The following PNPLA1 variants were observed in gnomAD, a reference collection of about 807,000 sequenced individuals.
PNPLA1 encodes patatin like domain 1, omega-hydroxyceramide transacylase, also known as omega-hydroxyceramide transacylase.
PNPLA1 carries 36 observed loss-of-function variants against 51.7 expected under a neutral mutation model. The observed-to-expected ratio is 0.70, with a 90% confidence interval of 0.53 to 0.92. The LOEUF (loss-of-function observed/expected upper bound fraction) is 0.92, where lower values mean the gene tolerates loss of function less well. Among genes scored for constraint, PNPLA1 ranks in the 40% least tolerant of loss-of-function variants. PNPLA1 has a pLI of 0.00. For synonymous variants in PNPLA1, 293 were observed against 280.1 expected (o/e 1.05, Z -0.46); for missense variants, 658 against 682.5 (o/e 0.96, Z 0.40).
chr6:36,306,097 C>T (rs1459448976), intron 6 of PNPLA1, among the ~76,000 whole-genome samples, 195 bp from the exon 7 acceptor site: 1 of 152,168 alleles, frequency 6.6e-6, no homozygotes, highest in Non-Finnish European at 1.5e-5. Flanking sequence ...CCGAGTCAGC[C>T]GCTCCACAGA....
intron 1 of PNPLA1, among the ~76,000 whole-genome samples, chr6:36,284,634 C>T (rs556328025): frequency 1.4e-3 from 220 of 152,096 alleles, no homozygotes; most frequent in Non-Finnish European, 2.1e-3. Flanking sequence ...TCATCTTTTT[C>T]CTGGGCAAGA....
intron 1 of PNPLA1, among the ~76,000 whole-genome samples, chr6:36,287,530 C>G (rs1770533098): frequency 6.6e-6 from 1 of 152,130 alleles, no homozygotes. Context: ...GGAAGGAGGC[C>G]TTTAAATGGG....
At chr6:36,280,511 C>T (rs1000690675) in intron 1 of PNPLA1, among the ~76,000 whole-genome samples, 6 of 152,146 alleles carry the variant, frequency 3.9e-5, no homozygotes, top group Non-Finnish European at 2.9e-5. Context: ...TTTTTTCACC[C>T]AGATCCCTGG....
At chr6:36,287,164 C>T (rs138269158) in intron 1 of PNPLA1, among the ~76,000 whole-genome samples, 10 of 152,304 alleles carry the variant, frequency 6.6e-5, no homozygotes, top group African/African-American at 2.2e-4. Flanking sequence ...GGGGCATCTC[C>T]ATTGCTCTCA....
chr6:36,297,835 C>G (rs544061931), intron 5 of PNPLA1, among the ~76,000 whole-genome samples: 1 of 150,848 alleles, frequency 6.6e-6, no homozygotes, highest in South Asian at 2.1e-4. Flanking sequence ...TCTTCCCTCT[C>G]ACAGTTTGGT....
At chr6:36,303,320 C>T (rs987203926) in intron 6 of PNPLA1, among the ~76,000 whole-genome samples, 1 of 152,184 alleles carries the variant, frequency 6.6e-6, no homozygotes, top group African/African-American at 2.4e-5. Flanking sequence ...GTCTCAATCT[C>T]CTGACTTTGT....
intron 5 of PNPLA1, among the ~76,000 whole-genome samples, chr6:36,299,269 C>T (rs1770949792): frequency 6.6e-6 from 1 of 152,002 alleles, no homozygotes; most frequent in Admixed American, 6.5e-5. Context: ...TGTTTCATTC[C>T]CACCAGCAGT....
chr6:36,292,524 T>G (rs1380517769), intron 2 of PNPLA1, among the ~76,000 whole-genome samples: 1 of 152,124 alleles, frequency 6.6e-6, no homozygotes, highest in Non-Finnish European at 1.5e-5. Flanking sequence ...CCCACACTGC[T>G]TTGCCTGCTG....
At chr6:36,246,558 A>T (rs1034891990) in intron 1 of PNPLA1, among the ~76,000 whole-genome samples, 2 of 152,174 alleles carry the variant, frequency 1.3e-5, no homozygotes, top group Non-Finnish European at 2.9e-5. Context: ...TATGATACTG[A>T]TAACTTGTCA....
chr6:36,280,464 A>G (rs1486271233), intron 1 of PNPLA1, among the ~76,000 whole-genome samples: 1 of 152,210 alleles, frequency 6.6e-6, no homozygotes, highest in East Asian at 1.9e-4. Context: ...CATATGCAAT[A>G]CAGATTTGGG....
chr6:36,299,730 T>C (rs1044241963), intron 5 of PNPLA1, among the ~76,000 whole-genome samples: 1 of 152,236 alleles, frequency 6.6e-6, no homozygotes, highest in Non-Finnish European at 1.5e-5. Context: ...TCAGTATTCC[T>C]CTAATGACTA....
chr6:36,252,271 A>C (rs1160931850), intron 1 of PNPLA1, among the ~76,000 whole-genome samples: 3 of 152,152 alleles, frequency 2.0e-5, no homozygotes. Context: ...GCTTTCTAGA[A>C]AGGGTTTTTT....
chr6:36,265,030 C>T (rs1409892025), intron 1 of PNPLA1, among the ~76,000 whole-genome samples: 4 of 152,148 alleles, frequency 2.6e-5, no homozygotes, highest in Non-Finnish European at 5.9e-5. Flanking sequence ...GCCAGTGCTA[C>T]AGTGGAGGGC....
At chr6:36,286,011 C>T (rs1045845764) in intron 1 of PNPLA1, among the ~76,000 whole-genome samples, 1 of 152,198 alleles carries the variant, frequency 6.6e-6, no homozygotes, top group Non-Finnish European at 1.5e-5. Context: ...GGGCAGGGAT[C>T]ACTGTCTCCT....
At chr6:36,311,492 C>T (rs746767782) in intron 8 of PNPLA1, among the ~76,000 whole-genome samples, 3 of 152,132 alleles carry the variant, frequency 2.0e-5, no homozygotes, top group Non-Finnish European at 4.4e-5. Context: ...CTGGACTTCC[C>T]GTGTGGTGCT....
chr6:36,290,606 G>A (rs1440705128), intron 1 of PNPLA1, among the ~76,000 whole-genome samples: 1 of 152,186 alleles, frequency 6.6e-6, no homozygotes, highest in East Asian at 1.9e-4. Flanking sequence ...CCCTGGTGGG[G>A]TTCTGGGGAC....
At chr6:36,307,057 A>G (rs968378441) in intron 7 of PNPLA1, among the ~76,000 whole-genome samples, 12 of 152,112 alleles carry the variant, frequency 7.9e-5, no homozygotes, top group Non-Finnish European at 2.9e-5. Flanking sequence ...AGTTGGGTCA[A>G]GGGTATTTCT....
intron 4 of PNPLA1, 122 bp from the exon 5 acceptor site, chr6:36,295,242 C>A (rs1005584731): frequency 2.1e-6 from 2 of 966,368 alleles, no homozygotes; most frequent in Non-Finnish European, 3.3e-6. Flanking sequence ...TGGATGGGTA[C>A]GTTTTGAAAA....
intron 8 of PNPLA1, among the ~76,000 whole-genome samples, chr6:36,310,417 T>A (rs532890139): frequency 6.6e-6 from 1 of 152,294 alleles, no homozygotes; most frequent in South Asian, 2.1e-4. Context: ...ATTGAGAGGC[T>A]GCCTACAGGC....
Sources: gnomAD v4.1 joint callset for allele counts (sites outside exome capture counted in the v4.1 genomes callset) on GRCh38, gnomAD v4.1.1 for gene constraint, MANE v1.5 for transcripts, NCBI Gene and HGNC (gene_info 2026-07-23, HGNC 2026-07-21) for gene names.